Variants in HIBADH observed in about 807,000 individuals in gnomAD.
The protein encoded by HIBADH is 3-hydroxyisobutyrate dehydrogenase, mitochondrial.
In HIBADH, 25 loss-of-function variants were observed where a neutral mutation model predicts 36.1. The observed-to-expected ratio is 0.69, with a 90% CI of 0.50 to 0.97. HIBADH has a LOEUF of 0.97. Ranked by LOEUF, HIBADH falls within the 50% of genes least tolerant of loss-of-function variation. The pLI is 0.00. For missense variants in HIBADH, 421 were observed against 418.0 expected, an observed-to-expected ratio of 1.01 and a Z score of -0.06; for synonymous variants, 160 against 149.5, an observed-to-expected ratio of 1.07 and a Z score of -0.51.
chr7:27,613,123 T>TGA (rs1785354995), intron 4 of HIBADH, among the ~76,000 whole-genome samples: 1 of 105,920 alleles, frequency 9.4e-6, no homozygotes, highest in Non-Finnish European at 1.8e-5. Flanking sequence ...TATAAATATA[T>TGA]TTATATATAT....
chr7:27,566,704 G>T (rs929624243), intron 4 of HIBADH, among the ~76,000 whole-genome samples: 2 of 151,988 alleles, frequency 1.3e-5, no homozygotes, highest in Non-Finnish European at 2.9e-5. Context: ...TCCAAGCACT[G>T]CTTTAGGAGC....
chr7:27,645,382 T>TTTTTTTTTTTTTTTGTTTTGTTTTTG (rs1562657294), intron 2 of HIBADH, among the ~76,000 whole-genome samples: 1 of 129,080 alleles, frequency 7.7e-6, no homozygotes, highest in Admixed American at 7.8e-5. Context: ...TTTTTTTTTT[T>TTTTTTTTTTTTTTTGTTTTGTTTTTG]TTTTTTTTTT....
intron 4 of HIBADH, among the ~76,000 whole-genome samples, chr7:27,577,193 C>T (rs1053665117): frequency 3.3e-5 from 4 of 121,814 alleles, no homozygotes; most frequent in Admixed American, 1.9e-4. Flanking sequence ...GATGGAGTTT[C>T]GCTCTTGTTG....
At chr7:27,635,428 T>G (rs1487421309) in intron 2 of HIBADH, among the ~76,000 whole-genome samples, 1 of 152,086 alleles carries the variant, frequency 6.6e-6, no homozygotes, top group African/African-American at 2.4e-5. Flanking sequence ...GAGACCCGGG[T>G]TAAGTTGCAG....
intron 2 of HIBADH, among the ~76,000 whole-genome samples, chr7:27,648,960 T>C (rs1198841121): frequency 6.6e-6 from 1 of 152,250 alleles, no homozygotes; most frequent in Non-Finnish European, 1.5e-5. Context: ...TTCTCTCATT[T>C]GAGCTTCACA....
At chr7:27,625,182 C>T (rs577079744) in intron 4 of HIBADH, among the ~76,000 whole-genome samples, 4 of 152,218 alleles carry the variant, frequency 2.6e-5, no homozygotes, top group Middle Eastern at 3.4e-3. Context: ...TGTGTCAAAC[C>T]GCAAACCCTG....
At position 27,580,690 on chromosome 7, in the gene HIBADH, G is replaced by T. The variant is rs2391442; in HGVS notation, c.485-37590C>A. On this transcript the variant is annotated intron_variant, in intron 4 of 7. Coordinates refer to ENST00000265395, the MANE Select transcript of HIBADH (RefSeq NM_152740.4). ...AACACAAGACTGAGTGCCTACTATT[G>T]GATTATGTATTGTTACAGGCATTGA... 7.3e-3 allele frequency among the ~76,000 whole-genome samples: 1,113 copies of T among 152,192 alleles called. 9 individuals carry two copies. The highest frequency in any genetic ancestry group is 0.011 in the Non-Finnish European group (748 of 68,000).
chr7:27,589,886 G>A (rs925879873), intron 4 of HIBADH, among the ~76,000 whole-genome samples: 3 of 152,052 alleles, frequency 2.0e-5, no homozygotes, highest in Non-Finnish European at 2.9e-5. Context: ...TCCCGTGATC[G>A]TCCCATCACA....
At chr7:27,597,338 T>C (rs1486420676) in intron 4 of HIBADH, among the ~76,000 whole-genome samples, 1 of 151,654 alleles carries the variant, frequency 6.6e-6, no homozygotes, top group Non-Finnish European at 1.5e-5. Context: ...TTTTTTAAGC[T>C]AAAGACACAA....
At chr7:27,567,233 G>C (rs905145678) in intron 4 of HIBADH, among the ~76,000 whole-genome samples, 7 of 151,836 alleles carry the variant, frequency 4.6e-5, no homozygotes, top group Admixed American at 6.6e-5. Context: ...TACAAATTTA[G>C]GACTGTTAGT....
intron 1 of HIBADH, among the ~76,000 whole-genome samples, chr7:27,660,227 A>C (rs1039462424): frequency 1.3e-5 from 2 of 152,252 alleles, no homozygotes; most frequent in Non-Finnish European, 2.9e-5. Context: ...ACACATTACT[A>C]TCTGAACATG....
rs533231956 is a variant in HIBADH at position 27,564,800 on chromosome 7, CTTCT to C, written c.485-21704_485-21701del. ...CTTCATTTATTTAGGTCTTCTTTAA[CTTCT>C]TTCATCAACTTTTGTAGTTTTCACA... On this transcript the variant is annotated intron_variant, in intron 4 of 7. Coordinates refer to ENST00000265395, the MANE Select transcript of HIBADH (RefSeq NM_152740.4). 2.5e-3 allele frequency among the ~76,000 whole-genome samples: 383 copies of C among 152,288 alleles called. 1 individual carries two copies. The highest frequency in any genetic ancestry group is 3.4e-3 in the Non-Finnish European group (229 of 68,028).
chr7:27,596,306 T>C (rs1785031547), intron 4 of HIBADH, among the ~76,000 whole-genome samples: 1 of 152,202 alleles, frequency 6.6e-6, no homozygotes, highest in African/African-American at 2.4e-5. Flanking sequence ...TTTTCTAACA[T>C]TATTAATCCA....
At position 27,621,113 on chromosome 7, in the gene HIBADH, AT is replaced by A. The variant is rs1785534182; in HGVS notation, c.484+8257del. 5.5e-5 allele frequency among the ~76,000 whole-genome samples: 3 copies of A among 55,016 alleles called. No individual in the cohort carries two copies. The South Asian group carries it at 1.8e-3, about 33-fold the overall frequency. The allele number at this position is 55,016 out of a possible 152,430, so 36.1% of individuals were successfully genotyped here. On this transcript the variant is annotated intron_variant, in intron 4 of 7. Coordinates refer to ENST00000265395, the MANE Select transcript of HIBADH (RefSeq NM_152740.4). ...TCAAACAGACTTTAAATAAAGAACA[AT>A]AAAAAGACAATCATTAATTGTAGGG... is the stretch of plus-strand genomic sequence containing the variant.
At chr7:27,595,002 C>T (rs1337487806) in intron 4 of HIBADH, among the ~76,000 whole-genome samples, 1 of 152,062 alleles carries the variant, frequency 6.6e-6, no homozygotes, top group Non-Finnish European at 1.5e-5. Flanking sequence ...AGAAGATGTA[C>T]ATAAATTTCT....
At chr7:27,587,284 A>G (rs917490452) in intron 4 of HIBADH, among the ~76,000 whole-genome samples, 1 of 152,314 alleles carries the variant, frequency 6.6e-6, no homozygotes, top group African/African-American at 2.4e-5. Context: ...CAAAGAGCTG[A>G]GAGGAAAATT....
chr7:27,585,822 T>C (rs189796738), intron 4 of HIBADH, among the ~76,000 whole-genome samples: 131 of 152,138 alleles, frequency 8.6e-4, no homozygotes, highest in African/African-American at 3.0e-3. Flanking sequence ...TAAAAATGGT[T>C]GTATTTTCTA....
At chr7:27,624,912 T>C (rs1448087987) in intron 4 of HIBADH, among the ~76,000 whole-genome samples, 1 of 152,202 alleles carries the variant, frequency 6.6e-6, no homozygotes, top group African/African-American at 2.4e-5. Context: ...TTCTAAGCAT[T>C]ACACTGGAAA....
At chr7:27,565,101 GCTCT>G (rs1784526323) in intron 4 of HIBADH, among the ~76,000 whole-genome samples, 1 of 152,004 alleles carries the variant, frequency 6.6e-6, no homozygotes. Flanking sequence ...GCATTATAGA[GCTCT>G]TATGCTCCAA....
Sources: gnomAD v4.1 joint callset for allele counts (sites outside exome capture counted in the v4.1 genomes callset) on GRCh38, gnomAD v4.1.1 for gene constraint, MANE v1.5 for transcripts, NCBI Gene and HGNC (gene_info 2026-07-23, HGNC 2026-07-21) for gene names.